Variants in PHC2 observed in about 807,000 individuals in gnomAD.
PHC2 encodes polyhomeotic homolog 2.
A neutral mutation model predicts 87.4 loss-of-function variants in PHC2; 29 were observed. The ratio of observed to expected loss-of-function variants is 0.33; its 90% CI spans 0.25 to 0.45. The LOEUF is 0.45. Among genes scored for constraint, PHC2 ranks in the 20% least tolerant of loss-of-function variants. The pLI, the probability that PHC2 is intolerant of heterozygous loss-of-function variation, is 1.00. For synonymous variants in PHC2, 438 were observed against 461.7 expected (o/e 0.95, Z 0.66); for missense variants, 857 against 1,136.7 (o/e 0.75, Z 3.54).
At chr1:33,366,227 C>T (rs1647439572) in intron 7 of PHC2, among the ~76,000 whole-genome samples, 7 of 152,216 alleles carry the variant, frequency 4.6e-5, no homozygotes, top group South Asian at 2.1e-4. Flanking sequence ...ATGCGATCAG[C>T]GTGACCCTCT....
intron 1 of PHC2, among the ~76,000 whole-genome samples, chr1:33,424,131 A>C (rs1018951282): frequency 6.6e-6 from 1 of 151,868 alleles, no homozygotes; most frequent in Non-Finnish European, 1.5e-5. Flanking sequence ...CAAAAAACAA[A>C]AAAAAAGAAA....
rs1352728442 is a variant in PHC2, at chr1:33,421,436, AT to A, written c.-55+9539del. Among the ~76,000 whole-genome samples the A allele has an allele frequency of 5.9e-5, 9 of 152,330 alleles. No homozygotes were observed. In the East Asian group the frequency reaches 1.7e-3, roughly 29 times the overall value. On this transcript the variant is annotated intron_variant, in intron 1 of 14. Coordinates refer to ENST00000683057, the MANE Select transcript of PHC2 (RefSeq NM_001385109.1). ...AAGTAAAGGGATGTAAAATGGATGC[AT>A]TCTCTACAGGAACTTATTAAATGAT...
intron 1 of PHC2, among the ~76,000 whole-genome samples, chr1:33,388,571 C>T (rs2148357599): frequency 6.6e-6 from 1 of 152,012 alleles, no homozygotes; most frequent in East Asian, 1.9e-4. Flanking sequence ...GTGATCTGCC[C>T]ACCTCGGCCT....
intron 5 of PHC2, among the ~76,000 whole-genome samples, chr1:33,370,170 T>C (rs978130912): frequency 6.6e-6 from 1 of 152,204 alleles, no homozygotes; most frequent in Admixed American, 6.5e-5. Context: ...TGTTTCACTC[T>C]AGGAGGAGAA....
intron 9 of PHC2, among the ~76,000 whole-genome samples, chr1:33,338,834 G>A (rs1011045906): frequency 2.6e-5 from 4 of 152,164 alleles, no homozygotes; most frequent in South Asian, 2.1e-4. Flanking sequence ...GGATAAGGCC[G>A]ATGGGAGAGG....
intron 9 of PHC2, among the ~76,000 whole-genome samples, chr1:33,342,639 G>A (rs1247567227): frequency 6.6e-6 from 1 of 152,064 alleles, no homozygotes; most frequent in Admixed American, 6.5e-5. Context: ...AAACTCAGCA[G>A]CAGCACCTGC....
intron 1 of PHC2, among the ~76,000 whole-genome samples, chr1:33,383,267 C>T (rs1648574964): frequency 6.6e-6 from 1 of 152,172 alleles, no homozygotes; most frequent in South Asian, 2.1e-4. Context: ...ATGGATGCAG[C>T]TCAAACCATC....
At position 33,353,834 on chromosome 1, in the gene PHC2, C is replaced by T. The variant is rs1440483838; in HGVS notation, c.1558+567G>A. Among the ~76,000 whole-genome samples, 4 of 152,114 alleles carry T rather than the reference C, an allele frequency of 2.6e-5. No homozygotes were observed. The East Asian group carries it at 7.7e-4, about 29-fold the overall frequency. On this transcript the variant is annotated intron_variant, in intron 9 of 14. Coordinates refer to ENST00000683057, the MANE Select transcript of PHC2 (RefSeq NM_001385109.1). ...GCCTCTCCCATCCGGGTGAAGGGAC[C>T]CAGCAGAGTCTCCTGAACCCCAGGC... is the stretch of plus-strand genomic sequence containing the variant.
intron 1 of PHC2, among the ~76,000 whole-genome samples, chr1:33,423,178 T>C (rs534501891): frequency 2.8e-4 from 43 of 152,274 alleles, no homozygotes; most frequent in African/African-American, 1.0e-3. Context: ...CAGCGGAAGA[T>C]ACTGTGCTTG....
chr1:33,392,185 A>ACACACACATG (rs557004382), intron 1 of PHC2, among the ~76,000 whole-genome samples: 2 of 151,976 alleles, frequency 1.3e-5, no homozygotes, highest in African/African-American at 4.8e-5. Flanking sequence ...ACACACACAC[A>ACACACACATG]CACATGCACA....
chr1:33,379,586 C>T (rs1048339780), intron 1 of PHC2, among the ~76,000 whole-genome samples: 5 of 145,198 alleles, frequency 3.4e-5, no homozygotes, highest in African/African-American at 5.2e-5. Flanking sequence ...TGCCCCTGGT[C>T]CCTGCCATCT....
At chr1:33,394,685 C>T (rs1259415120) in intron 1 of PHC2, among the ~76,000 whole-genome samples, 1 of 152,218 alleles carries the variant, frequency 6.6e-6, no homozygotes, top group Non-Finnish European at 1.5e-5. Flanking sequence ...AAGTGATTCT[C>T]TTGCCTCAGC....
Position 33,374,328 on chromosome 1 carries a change from T to C in PHC2, c.174+1038A>G, listed in dbSNP as rs1046632985. Among the ~76,000 whole-genome samples, 26 of 151,212 alleles carry C rather than the reference T, an allele frequency of 1.7e-4. No homozygotes were observed. In the East Asian group the frequency reaches 5.1e-3, roughly 30 times the overall value. Reference sequence around the variant, plus strand: ...CTAGAATTGTGATGAGTGGCAGGAGTGGGTATATCTGAATGCCGTGGCTAT... The same window carrying C: ...CTAGAATTGTGATGAGTGGCAGGAGCGGGTATATCTGAATGCCGTGGCTAT... On this transcript the variant is annotated intron_variant, in intron 2 of 14. Coordinates refer to ENST00000683057, the MANE Select transcript of PHC2 (RefSeq NM_001385109.1).
chr1:33,337,738 T>A (rs1011488941), intron 9 of PHC2, among the ~76,000 whole-genome samples: 2 of 152,196 alleles, frequency 1.3e-5, no homozygotes, highest in Non-Finnish European at 2.9e-5. Context: ...AGGTATTTCT[T>A]ACATAAAAAG....
intron 9 of PHC2, chr1:33,335,105 G>T: frequency 1.4e-6 from 1 of 708,140 alleles, no homozygotes; most frequent in Non-Finnish European, 1.7e-6. Context: ...CCTTCCCCAT[G>T]GGCCTGCTAG....
At chr1:33,347,415 T>G (rs952890711) in intron 9 of PHC2, 5 of 984,262 alleles carry the variant, frequency 5.1e-6, no homozygotes, top group Middle Eastern at 5.2e-4. Flanking sequence ...GAGGGAAGAG[T>G]AAATAATATA....
intron 9 of PHC2, among the ~76,000 whole-genome samples, chr1:33,340,869 TTACTC>T (rs937377718): frequency 2.0e-5 from 3 of 149,230 alleles, no homozygotes; most frequent in Admixed American, 6.7e-5. Flanking sequence ...TTACTGTGAA[TTACTC>T]GACTCAGATA....
At chr1:33,393,604 T>C (rs944085990) in intron 1 of PHC2, among the ~76,000 whole-genome samples, 4 of 150,982 alleles carry the variant, frequency 2.6e-5, no homozygotes, top group African/African-American at 7.3e-5. Flanking sequence ...ACTCAGGAGA[T>C]AGTCTCCAAG....
rs180920862 is a variant in PHC2 at position 33,327,244 on chromosome 1, T to C, written c.2425+1626A>G. On this transcript the variant is annotated intron_variant, in intron 14 of 14. Transcript: ENST00000683057. The stretch of plus-strand genomic sequence containing the variant: ...TATCCTATGGCTGTCCCACTGTGCA[T>C]TGGGTTTGTGGAAGGGAGCAGATAG... Among the ~76,000 whole-genome samples, 411 of 152,244 alleles carry C rather than the reference T, an allele frequency of 2.7e-3. 1 individual carries two copies. Among genetic ancestry groups the C allele is most frequent in the African/African-American group, 9.4e-3 (392 of 41,532 alleles).
Sources: allele counts gnomAD v4.1 joint callset (sites outside exome capture counted in the v4.1 genomes callset), GRCh38; gene constraint gnomAD v4.1.1; transcripts MANE v1.5; gene names NCBI Gene and HGNC (gene_info 2026-07-23, HGNC 2026-07-21).